The following SLC16A5 variants were observed in gnomAD, a reference collection of about 807,000 sequenced individuals.
The protein encoded by SLC16A5 is solute carrier family 16 member 5.
In SLC16A5, 29 loss-of-function variants were observed where a neutral mutation model predicts 33.2. That is an observed-to-expected ratio of 0.87 (90% CI 0.65 to 1.19). SLC16A5 has a LOEUF of 1.19. Among genes scored for constraint, SLC16A5 ranks in the 50% most tolerant of loss-of-function variants. The pLI, the probability that SLC16A5 is intolerant of heterozygous loss-of-function variation, is 0.00. For missense variants in SLC16A5, 606 were observed against 678.2 expected (o/e 0.89, Z 1.18); for synonymous variants, 248 against 284.1 (o/e 0.87, Z 1.28).
intron 6 of SLC16A5, chr17:75,104,413 C>CTT: frequency 3.9e-6 from 4 of 1,015,260 alleles, no homozygotes; most frequent in South Asian, 2.3e-5. Context: ...CCCTGAGAAA[C>CTT]TCTTTTTTTT....
chr17:75,108,022 T>G (rs920870710), downstream of SLC16A5, among the ~76,000 whole-genome samples: 1 of 151,698 alleles, frequency 6.6e-6, no homozygotes, highest in African/African-American at 2.4e-5. Flanking sequence ...GAGAATCACT[T>G]GAATCTGAGG....
At chr17:75,108,069 TC>T (rs1235401170), downstream of SLC16A5, among the ~76,000 whole-genome samples, 2 of 152,014 alleles carry the variant, frequency 1.3e-5, no homozygotes, top group African/African-American at 4.8e-5. Flanking sequence ...ACCACTGTAC[TC>T]CAGCCTGGCG....
At chr17:75,103,879 G>C (rs1377750885) in intron 5 of SLC16A5, 91 bp from the exon 6 acceptor site, 1 of 1,137,204 alleles carries the variant, frequency 8.8e-7, no homozygotes, top group East Asian at 2.4e-5. Context: ...GTACAGCAGA[G>C]ACAAAAATAA....
chr17:75,101,057 G>A (rs1486258849), intron 5 of SLC16A5, among the ~76,000 whole-genome samples: 2 of 151,732 alleles, frequency 1.3e-5, no homozygotes, highest in African/African-American at 4.8e-5. Flanking sequence ...GACCATCCTG[G>A]CCAACATGGT....
chr17:75,102,172 C>G (rs2073808417), intron 5 of SLC16A5, among the ~76,000 whole-genome samples: 1 of 152,128 alleles, frequency 6.6e-6, no homozygotes, highest in Non-Finnish European at 1.5e-5. Flanking sequence ...CCTCTGCCAG[C>G]CTCTGGGTGT....
chr17:75,099,974 G>T (rs571604764), intron 4 of SLC16A5, 33 bp from the exon 5 acceptor site: 3 of 1,580,508 alleles, frequency 1.9e-6, no homozygotes, highest in Non-Finnish European at 2.6e-6. Context: ...GCCCCAGTGC[G>T]CCTCCAGGCT....
rs375463804 is a variant in SLC16A5, at chr17:75,100,628, G to A, written c.965G>A (p.Cys322Tyr). Residue 322 changes from cysteine to tyrosine, a missense_variant, in exon 5 of 7, where the codon TGT becomes TAT. Transcript: ENST00000329783. ...CTCAATGGGCTCACTAACCTGGTGT[G>A]TGCGGCATCAGGTGACTTCTGGGTG... ...LLLNGLTNLV[C>Y]AASGDFWVLV... The A allele has an allele frequency of 3.1e-6, 5 of 1,614,102 alleles. No individual in the cohort carries two copies. The African/African-American group carries it at 5.3e-5, about 17-fold the overall frequency.
At chr17:75,090,902 C>T (rs1302750787) in intron 2 of SLC16A5, among the ~76,000 whole-genome samples, 1 of 152,180 alleles carries the variant, frequency 6.6e-6, no homozygotes, top group Non-Finnish European at 1.5e-5. Context: ...GTGAAGGTCA[C>T]AGGAGCCTGG....
intron 3 of SLC16A5, among the ~76,000 whole-genome samples, 183 bp downstream of exon 3, chr17:75,094,018 C>T (rs1185082154): frequency 6.6e-6 from 1 of 152,194 alleles, no homozygotes; most frequent in Non-Finnish European, 1.5e-5. Flanking sequence ...GGGCTGGAGC[C>T]GGGGAGAGAG....
In SLC16A5 at chr17:75,100,447, T is replaced by C. The variant is rs775981187; in HGVS notation, c.784T>C (p.Tyr262His). Reference protein sequence around the residue: ...FPLPQVFLVPYAMWHSVDEQQ... With the variant: ...FPLPQVFLVPHAMWHSVDEQQ... ...ACTGCCACAAGTCTTCCTGGTGCCA[T>C]ATGCCATGTGGCACAGCGTGGACGA... Residue 262 changes from tyrosine to histidine, a missense_variant, in exon 5 of 7, where the codon TAT becomes CAT. Tyr to His is a moderately conservative substitution (Grantham distance 83, BLOSUM62 2). Coordinates refer to ENST00000329783, the MANE Select transcript of SLC16A5 (RefSeq NM_004695.4). 1.9e-6 allele frequency: 3 copies of C among 1,614,130 alleles called. No homozygotes were observed. Among genetic ancestry groups the C allele is most frequent in the East Asian group, 2.2e-5 (1 of 44,898 alleles).
chr17:75,088,208 CTGCCCCGGG>C (rs1340400693), intron 1 of SLC16A5, among the ~76,000 whole-genome samples, 164 bp downstream of exon 1: 1 of 152,232 alleles, frequency 6.6e-6, no homozygotes, highest in Non-Finnish European at 1.5e-5. Flanking sequence ...TGGTTCTGGG[CTGCCCCGGG>C]GCCTGGGGTG....
rs774096027 is a variant in SLC16A5, at chr17:75,100,175, C to T, written c.512C>T (p.Thr171Ile). Residue 171 changes from threonine to isoleucine, a missense_variant, in exon 5 of 7, where the codon ACC becomes ATC. Coordinates refer to ENST00000329783, the MANE Select transcript of SLC16A5 (RefSeq NM_004695.4). ...CTGGAGAACCTGGGCTGGAGGGGTA[C>T]CTTCCTTGTCTTCGGCGGGATCTTT... Reference protein sequence around the residue: ...YLLENLGWRGTFLVFGGIFLH... With the variant: ...YLLENLGWRGIFLVFGGIFLH... 1 of 1,614,124 alleles carries T rather than the reference C, an allele frequency of 6.2e-7. No homozygotes were observed. Among genetic ancestry groups the T allele is most frequent in the African/African-American group, 1.3e-5 (1 of 74,948 alleles).
chr17:75,106,310 T>C (rs2073862279), downstream of SLC16A5: 1 of 261,890 alleles, frequency 3.8e-6, no homozygotes. Flanking sequence ...GGAGAGTGCT[T>C]GCATGGACTT....
chr17:75,100,361 G>C lies in SLC16A5; in HGVS notation c.698G>C (p.Arg233Pro), dbSNP rs756662198. Residue 233 changes from arginine (R) to proline (P), a missense_variant, in exon 5 of 7, where the codon CGG (arginine) becomes CCG (proline). Transcript: ENST00000329783. ...IQRHLAFDIL[R>P]HNTGYCVYIL... is the part of the protein sequence containing the mutation. Reference sequence around the variant, plus strand: ...CGCCACCTGGCCTTCGACATCCTGCGGCACAACACAGGCTACTGCGTGTAC... The same window carrying C: ...CGCCACCTGGCCTTCGACATCCTGCCGCACAACACAGGCTACTGCGTGTAC... 4 of 1,614,192 alleles carry C rather than the reference G, an allele frequency of 2.5e-6. No individual in the cohort carries two copies. The highest frequency in any genetic ancestry group is 3.4e-6 in the Non-Finnish European group (4 of 1,180,040).
In SLC16A5 at chr17:75,105,640, G is replaced by A. The variant is rs539890913; in HGVS notation, c.1365-240G>A. ...ATCAGCCCATTCTTGTCCCAGCAGG[G>A]TACCGAGGGAATGATAAAACAGAAT... On this transcript the variant is annotated intron_variant, in intron 6 of 6. Transcript: ENST00000329783. 15 of 985,376 alleles carry A rather than the reference G, an allele frequency of 1.5e-5. No individual in the cohort carries two copies. In the African/African-American group the frequency reaches 2.6e-4, roughly 17 times the overall value. 61.0% of individuals were successfully genotyped at this position (985,376 alleles called of 1,614,324 possible).
chr17:75,104,542 C>G (rs1367339316), intron 6 of SLC16A5: 1 of 901,146 alleles, frequency 1.1e-6, no homozygotes, highest in Non-Finnish European at 1.4e-6. Context: ...GCCTCTGCCC[C>G]CCAAGTTCAA....
chr17:75,110,044 C>T (rs1469049530), downstream of SLC16A5: 8 of 497,714 alleles, frequency 1.6e-5, no homozygotes, highest in South Asian at 9.8e-5. Flanking sequence ...GGTTCCCTGT[C>T]TCCCGCGCCC....
chr17:75,093,049 T>C (rs957897890), intron 2 of SLC16A5, among the ~76,000 whole-genome samples: 9 of 152,064 alleles, frequency 5.9e-5, no homozygotes, highest in Admixed American at 3.9e-4. Context: ...CTGTGGCTGC[T>C]CCTAGCACCG....
chr17:75,103,576 C>T (rs67039880), intron 5 of SLC16A5, among the ~76,000 whole-genome samples: 21,309 of 152,000 alleles, frequency 0.14, 2,020 homozygotes, highest in African/African-American at 0.28. Context: ...GATCTACCCA[C>T]CTCAGCCTCC....
Sources: allele counts gnomAD v4.1 joint callset (sites outside exome capture counted in the v4.1 genomes callset), GRCh38; gene constraint gnomAD v4.1.1; transcripts MANE v1.5; gene names NCBI Gene and HGNC (gene_info 2026-07-23, HGNC 2026-07-21).